The following PHC2 variants were observed in gnomAD, a reference collection of about 807,000 sequenced individuals.
PHC2 encodes the protein polyhomeotic-like protein 2.
Under a neutral mutation model 87.4 loss-of-function variants are expected in PHC2, and 29 were observed. That is an observed-to-expected ratio of 0.33 (90% CI 0.25 to 0.45). The LOEUF is 0.45. Among genes scored for constraint, PHC2 ranks in the 20% least tolerant of loss-of-function variants. The probability of loss-of-function intolerance (pLI) is 1.00; values close to 1 mark genes in which losing one functional copy is unlikely to be tolerated. For missense variants in PHC2, 857 were observed against 1,136.7 expected (o/e 0.75, Z 3.54); for synonymous variants, 438 against 461.7 (o/e 0.95, Z 0.66).
At chr1:33,416,085 G>C (rs1003546289) in intron 1 of PHC2, among the ~76,000 whole-genome samples, 2 of 151,700 alleles carry the variant, frequency 1.3e-5, no homozygotes, top group African/African-American at 4.8e-5. Context: ...GGGGAGGAAG[G>C]GAACATAAAA....
intron 1 of PHC2, among the ~76,000 whole-genome samples, chr1:33,386,494 C>T (rs1043493462): frequency 2.0e-5 from 3 of 151,612 alleles, no homozygotes; most frequent in South Asian, 2.1e-4. Context: ...ACTCCAGCCT[C>T]GGTGACAGAG....
intron 1 of PHC2, among the ~76,000 whole-genome samples, chr1:33,402,600 T>C (rs1649583471): frequency 1.3e-5 from 2 of 152,100 alleles, no homozygotes; most frequent in African/African-American, 4.8e-5. Flanking sequence ...GTTAATTCAA[T>C]GGAATGCTAT....
chr1:33,410,452 TA>T lies in PHC2; in HGVS notation c.-55+20523del, dbSNP rs1264134956. On this transcript the variant is annotated intron_variant, in intron 1 of 14. Coordinates refer to ENST00000683057, the MANE Select transcript of PHC2 (RefSeq NM_001385109.1). ...CTCGAAGCTGAAAAGGCCAATCCTG[TA>T]AAAGAGTTGATGAGAGCACCTAATC... Among the ~76,000 whole-genome samples the T allele has an allele frequency of 5.9e-5, 9 of 152,290 alleles. No individual in the cohort carries two copies. In the East Asian group the frequency reaches 1.7e-3, roughly 29 times the overall value.
intron 9 of PHC2, among the ~76,000 whole-genome samples, chr1:33,342,588 C>T (rs1646765517): frequency 6.6e-6 from 1 of 151,536 alleles, no homozygotes; most frequent in Non-Finnish European, 1.5e-5. Flanking sequence ...TTGAACGCTT[C>T]CCAGCCCACA....
intron 7 of PHC2, 127 bp downstream of exon 7, chr1:33,366,989 G>T: frequency 1.2e-6 from 1 of 827,704 alleles, no homozygotes; most frequent in Non-Finnish European, 1.9e-6. Flanking sequence ...AGATAGGGAG[G>T]GAGGAGAGAG....
chr1:33,360,108 C>T (rs140252395), intron 7 of PHC2, among the ~76,000 whole-genome samples: 2 of 152,238 alleles, frequency 1.3e-5, no homozygotes, highest in Non-Finnish European at 2.9e-5. Flanking sequence ...TTCCATGATG[C>T]ATTCCCTTGG....
At chr1:33,413,694 G>A (rs1416401769) in intron 1 of PHC2, among the ~76,000 whole-genome samples, 3 of 152,160 alleles carry the variant, frequency 2.0e-5, no homozygotes, top group Admixed American at 6.5e-5. Context: ...CAGGTGGTAT[G>A]GTATTGGGGA....
At chr1:33,409,494 C>T (rs1649900214) in intron 1 of PHC2, among the ~76,000 whole-genome samples, 1 of 152,166 alleles carries the variant, frequency 6.6e-6, no homozygotes, top group African/African-American at 2.4e-5. Context: ...GCTAGGATAA[C>T]AGGTTTTTTC....
At chr1:33,400,197 AT>A (rs1392310035) in intron 1 of PHC2, among the ~76,000 whole-genome samples, 1 of 152,234 alleles carries the variant, frequency 6.6e-6, no homozygotes, top group African/African-American at 2.4e-5. Context: ...TAAGAATATA[AT>A]TTGGAATATC....
In PHC2 at chr1:33,368,502, C is replaced by T. The variant is rs1647618866; in HGVS notation, c.663+34G>A. On this transcript the variant is annotated intron_variant, in intron 6 of 14. Transcript: ENST00000683057. The surrounding 1 kb of genome is among the most constrained non-coding windows in gnomAD (Gnocchi z 6.6). ...CAGTGCCCCTCTACAGGGGTGCCCA[C>T]CCCCCTGCCCTCCCACAAGCATGGA... is the stretch of plus-strand genomic sequence containing the variant. 1.7e-6 allele frequency: 2 copies of T among 1,208,964 alleles called. No individual in the cohort carries two copies. The highest frequency in any genetic ancestry group is 2.3e-6 in the Non-Finnish European group (2 of 860,070). 74.9% of individuals were successfully genotyped at this position (1,208,964 alleles called of 1,614,324 possible).
chr1:33,426,454 T>A (rs1274632512), intron 1 of PHC2, among the ~76,000 whole-genome samples: 2 of 152,190 alleles, frequency 1.3e-5, no homozygotes, highest in African/African-American at 4.8e-5. Flanking sequence ...GGTCTCCATA[T>A]CTTCCCATGA....
chr1:33,349,756 G>T lies in PHC2; in HGVS notation c.1558+4645C>A. ...TGCCGCGGCGCATCCGACCGCACCG[G>T]CCTGGCCGGCGTCAACAAAGGGCGG... On this transcript the variant is annotated intron_variant, in intron 9 of 14. Transcript: ENST00000683057. The surrounding 1 kb of genome is among the most constrained non-coding windows in gnomAD (Gnocchi z 4.2). The T allele has an allele frequency of 1.0e-6, 1 of 982,632 alleles. No homozygotes were observed. Among genetic ancestry groups the T allele is most frequent in the Non-Finnish European group, 1.2e-6 (1 of 829,224 alleles). 60.9% of individuals were successfully genotyped at this position (982,632 alleles called of 1,614,324 possible). A position where few individuals can be genotyped will look rare whatever the true frequency, so the allele number is the denominator to read the frequency against.
intron 10 of PHC2, chr1:33,333,418 C>T (rs1185829240): frequency 6.6e-6 from 1 of 152,446 alleles, no homozygotes; most frequent in Non-Finnish European, 1.5e-5. Context: ...TGGCTCTGGG[C>T]TCCTCCACAC....
chr1:33,404,609 C>G (rs1181715675), intron 1 of PHC2, among the ~76,000 whole-genome samples: 3 of 151,792 alleles, frequency 2.0e-5, no homozygotes, highest in Non-Finnish European at 4.4e-5. Context: ...TTCCTTATTT[C>G]CCTCATGGCC....
chr1:33,406,403 G>A (rs148362072), intron 1 of PHC2, among the ~76,000 whole-genome samples: 8 of 152,122 alleles, frequency 5.3e-5, no homozygotes, highest in Middle Eastern at 6.8e-3. Context: ...TTGGGGCCAC[G>A]TAATTCCTTG....
chr1:33,371,231 A>G (rs1387663198), intron 3 of PHC2, 137 bp from the exon 4 acceptor site: 5 of 692,364 alleles, frequency 7.2e-6, no homozygotes, highest in Admixed American at 4.3e-5. Flanking sequence ...ACCTGCCTCT[A>G]TGTGGCCCAC....
chr1:33,330,294 C>G, intron 12 of PHC2, 82 bp from the exon 13 acceptor site: 1 of 1,504,210 alleles, frequency 6.6e-7, no homozygotes, highest in Non-Finnish European at 9.1e-7. Flanking sequence ...GCCAAGCTGT[C>G]TGACAAATTT....
chr1:33,371,158 A>G (rs1394350564), intron 3 of PHC2, 64 bp from the exon 4 acceptor site: 15 of 1,317,242 alleles, frequency 1.1e-5, no homozygotes, highest in Non-Finnish European at 1.6e-5. Flanking sequence ...CTGGGCTCTC[A>G]TCATCCACAG....
chr1:33,383,441 T>C (rs1026259263), intron 1 of PHC2, among the ~76,000 whole-genome samples: 98 of 152,382 alleles, frequency 6.4e-4, no homozygotes, highest in African/African-American at 2.3e-3. Flanking sequence ...TTCATTGTGA[T>C]GCAAAACACT....
Sources: allele counts gnomAD v4.1 joint callset (sites outside exome capture counted in the v4.1 genomes callset), GRCh38; gene constraint gnomAD v4.1.1; non-coding constraint Gnocchi (gnomAD v3.1); transcripts MANE v1.5; gene names NCBI Gene and HGNC (gene_info 2026-07-23, HGNC 2026-07-21).